The following WT1 variants were observed in gnomAD, a reference collection of about 807,000 sequenced individuals.
The protein encoded by WT1 is Wilms tumor protein.
A neutral mutation model predicts 60.8 loss-of-function variants in WT1; 8 were observed. The ratio of observed to expected loss-of-function variants is 0.13; its 90% CI spans 0.08 to 0.24. WT1 has a LOEUF of 0.24. Among genes scored for constraint, WT1 ranks in the 10% least tolerant of loss-of-function variants. WT1 has a pLI of 1.00. For missense variants in WT1, 568 were observed against 711.8 expected (o/e 0.80, Z 2.30); for synonymous variants, 312 against 297.1 (o/e 1.05, Z -0.52).
intron 8 of WT1, 131 bp downstream of exon 8, chr11:32,392,535 G>A (rs1319901210): frequency 2.2e-6 from 2 of 890,680 alleles, no homozygotes; most frequent in Non-Finnish European, 3.7e-6. Context: ...CAGAGATTAT[G>A]GGGGGAAAAT....
intron 5 of WT1, chr11:32,400,446 G>A (rs1799934): frequency 0.025 from 8,800 of 346,542 alleles, 234 homozygotes; most frequent in South Asian, 0.074. Flanking sequence ...GAATTTGTCG[G>A]CACCTCATGA....
intron 9 of WT1, among the ~76,000 whole-genome samples, chr11:32,391,505 T>G (rs749141120): frequency 1.5e-4 from 23 of 152,190 alleles, no homozygotes; most frequent in Non-Finnish European, 3.1e-4. Context: ...CTGATACTGG[T>G]CCAGCAGAAA....
At chr11:32,431,631 C>A (rs1218061065) in intron 1 of WT1, among the ~76,000 whole-genome samples, 1 of 151,482 alleles carries the variant, frequency 6.6e-6, no homozygotes, top group African/African-American at 2.4e-5. Flanking sequence ...TCAGTAGAGA[C>A]AGGGTTTCAC....
At position 32,416,528 on chromosome 11, in the gene WT1, C is replaced by T. The variant is rs2133032654; in HGVS notation, c.978G>A (p.Gly326=). 6.2e-6 allele frequency: 10 copies of T among 1,614,176 alleles called. No individual in the cohort carries two copies. The highest frequency in any genetic ancestry group is 1.1e-5 in the South Asian group (1 of 91,086). Residue 326 remains glycine, a synonymous_variant, in exon 5 of 10, where the codon GGG becomes GGA. Coordinates refer to ENST00000452863, the MANE Select transcript of WT1 (RefSeq NM_024426.6). ...CTGTCCATTTCACTGAGCTGGAGCT[C>T]CCAGCAGCAACTCTAGAAAAGAAGA...
chr11:32,430,648 C>T, intron 1 of WT1: 1 of 1,503,750 alleles, frequency 6.7e-7, no homozygotes, highest in Non-Finnish European at 8.9e-7. Context: ...TCGCGGCACC[C>T]ACTCTCGAGA....
intron 9 of WT1, among the ~76,000 whole-genome samples, chr11:32,389,943 G>A (rs756554988): frequency 6.6e-6 from 1 of 152,072 alleles, no homozygotes; most frequent in Non-Finnish European, 1.5e-5. Flanking sequence ...GCCAAGCCTT[G>A]TGCTGGGCTT....
intron 7 of WT1, among the ~76,000 whole-genome samples, chr11:32,395,750 C>A (rs1156236946): frequency 6.8e-6 from 1 of 148,094 alleles, no homozygotes; most frequent in South Asian, 2.3e-4. Flanking sequence ...GCGTGAGCCC[C>A]CATGACTGAC....
intron 5 of WT1, among the ~76,000 whole-genome samples, chr11:32,415,851 G>A (rs1207016605): frequency 1.3e-5 from 2 of 151,934 alleles, no homozygotes; most frequent in Non-Finnish European, 2.9e-5. Context: ...CTTGGAAGAT[G>A]AAATACAACT....
At chr11:32,410,972 G>A (rs1303022700) in intron 5 of WT1, among the ~76,000 whole-genome samples, 1 of 151,990 alleles carries the variant, frequency 6.6e-6, no homozygotes, top group African/African-American at 2.4e-5. Context: ...GGTGAGTAGA[G>A]GGTCTCAGAA....
At chr11:32,420,537 G>T (rs1456813941) in intron 3 of WT1, among the ~76,000 whole-genome samples, 1 of 152,132 alleles carries the variant, frequency 6.6e-6, no homozygotes, top group East Asian at 1.9e-4. Flanking sequence ...ACTTTGTGAG[G>T]CAGATGTAAT....
Position 32,434,686 on chromosome 11 carries a change from C to T in WT1, c.661+14G>A. ...ACTGCCCCGCGCGTAGGGGGCGCTC[C>T]CCGGCCTACTTACCCTGATTGCGAA... On this transcript the variant is annotated intron_variant, in intron 1 of 9. Coordinates refer to ENST00000452863, the MANE Select transcript of WT1 (RefSeq NM_024426.6). The T allele has an allele frequency of 3.7e-6, 6 of 1,612,682 alleles. No homozygotes were observed. Among genetic ancestry groups the T allele is most frequent in the Non-Finnish European group, 5.1e-6 (6 of 1,179,920 alleles).
intron 7 of WT1, among the ~76,000 whole-genome samples, chr11:32,393,924 T>C (rs1021934897): frequency 1.3e-5 from 2 of 152,184 alleles, no homozygotes; most frequent in Non-Finnish European, 2.9e-5. Flanking sequence ...ACAGAGTCTC[T>C]CTCTGTTGCC....
chr11:32,428,699 G>C (rs886212046), intron 1 of WT1, 80 bp from the exon 2 acceptor site: 56 of 1,370,544 alleles, frequency 4.1e-5, no homozygotes, highest in Non-Finnish European at 5.0e-5. Context: ...AGCCACGGGC[G>C]GGGGGGGTGT....
intron 6 of WT1, among the ~76,000 whole-genome samples, chr11:32,397,719 T>C (rs971505798): frequency 3.9e-5 from 6 of 152,198 alleles, no homozygotes; most frequent in Non-Finnish European, 7.4e-5. Flanking sequence ...GCTTATGTTC[T>C]AGTCCCTATT....
At chr11:32,406,628 A>ATAT (rs35317214) in intron 5 of WT1, among the ~76,000 whole-genome samples, 2 of 151,320 alleles carry the variant, frequency 1.3e-5, no homozygotes, top group African/African-American at 2.4e-5. Context: ...CACCAAAAAA[A>ATAT]AAATATATAT....
At chr11:32,405,913 G>A (rs550177742) in intron 5 of WT1, among the ~76,000 whole-genome samples, 1 of 152,280 alleles carries the variant, frequency 6.6e-6, no homozygotes, top group South Asian at 2.1e-4. Context: ...GGATAATCCT[G>A]GTGGTATTAA....
In WT1 at chr11:32,399,952, A is replaced by G. The variant is rs1852096499; in HGVS notation, c.1109T>C (p.Ile370Thr). Residue 370 changes from isoleucine (I) to threonine (T), a missense_variant, in exon 6 of 10, where the codon ATT becomes ACT. This residue lies in a region of WT1 where 523 missense variants were observed against 565.1 expected (regional missense o/e 0.93). Transcript: ENST00000452863. ...GGGGCCTGTCTGTGTGCTCACCTGAATGCCTCTGAAGACACCGTGCGTGTG... is the reference window on the plus strand; with the variant it reads ...GGGGCCTGTCTGTGTGCTCACCTGAGTGCCTCTGAAGACACCGTGCGTGTG... 2 of 1,614,198 alleles carry G rather than the reference A, an allele frequency of 1.2e-6. No homozygotes were observed. Among genetic ancestry groups the G allele is most frequent in the Non-Finnish European group, 1.7e-6 (2 of 1,180,032 alleles).
At chr11:32,425,135 C>A (rs1564992668) in intron 3 of WT1, among the ~76,000 whole-genome samples, 1 of 148,016 alleles carries the variant, frequency 6.8e-6, no homozygotes, top group Admixed American at 6.7e-5. Flanking sequence ...CAAGATTGTG[C>A]CACTGCACTC....
chr11:32,391,010 G>C (rs998609842), intron 9 of WT1, among the ~76,000 whole-genome samples: 5 of 152,034 alleles, frequency 3.3e-5, no homozygotes, highest in Non-Finnish European at 7.4e-5. Context: ...ACAGGGTCTT[G>C]CTCTGTTGCT....
Sources: allele counts gnomAD v4.1 joint callset (sites outside exome capture counted in the v4.1 genomes callset), GRCh38; gene constraint gnomAD v4.1.1; regional missense constraint gnomAD v4.1.1; transcripts MANE v1.5; gene names NCBI Gene and HGNC (gene_info 2026-07-23, HGNC 2026-07-21).